Variants in FKBP15 observed in about 807,000 individuals in gnomAD.
FKBP15 encodes the protein FK506-binding protein 15.
FKBP15 carries 106 observed loss-of-function variants against 158.1 expected under a neutral mutation model. The observed-to-expected ratio is 0.67, with a 90% CI of 0.57 to 0.79. FKBP15 has a LOEUF of 0.79. Ranked by LOEUF, FKBP15 falls within the 30% of genes least tolerant of loss-of-function variation. The pLI is 0.00. For synonymous variants in FKBP15, 547 were observed against 548.6 expected (o/e 1.00, Z 0.04); for missense variants, 1,287 against 1,479.1 (o/e 0.87, Z 2.13).
At position 113,221,132 on chromosome 9, in the gene FKBP15, C is replaced by A. The variant is rs1008494641; in HGVS notation, c.53+59G>T. On this transcript the variant is annotated intron_variant, in intron 1 of 27. Transcript: ENST00000238256. ...GCCTGAGAAGAGATCGACCCCCCTC[C>A]AACAATCCGCCGGTATCTCTCAGCC... 3.9e-6 allele frequency: 6 copies of A among 1,534,048 alleles called. No homozygotes were observed. The African/African-American group carries it at 6.9e-5, about 18-fold the overall frequency.
rs1564139020 is a variant in FKBP15 at position 113,161,717 on chromosome 9, G to A, written c.*4361C>T. On this transcript the variant is annotated 3_prime_UTR_variant, in exon 28 of 28. Coordinates refer to ENST00000238256, the MANE Select transcript of FKBP15 (RefSeq NM_015258.2). Reference sequence around the variant, plus strand: ...ACCACAGGTACAGGCAGTGGGTATGGGAAAGGGGCAGAAGCCTCACATTCA... The same window carrying A: ...ACCACAGGTACAGGCAGTGGGTATGAGAAAGGGGCAGAAGCCTCACATTCA... 2 of 1,612,910 alleles carry A rather than the reference G, an allele frequency of 1.2e-6. No individual in the cohort carries two copies. Among genetic ancestry groups the A allele is most frequent in the African/African-American group, 2.7e-5 (2 of 74,916 alleles).
chr9:113,190,904 A>T (rs990708353), intron 11 of FKBP15, among the ~76,000 whole-genome samples: 4 of 152,182 alleles, frequency 2.6e-5, no homozygotes, highest in African/African-American at 7.2e-5. Context: ...TAAGAAAGGG[A>T]GGCATTTTAG....
At chr9:113,183,284 C>A (rs940307509) in intron 18 of FKBP15, among the ~76,000 whole-genome samples, 6 of 152,198 alleles carry the variant, frequency 3.9e-5, no homozygotes, top group Non-Finnish European at 8.8e-5. Flanking sequence ...ATGTGTTCCA[C>A]TCATCCTCCC....
At chr9:113,167,250 C>T (rs73655812) in intron 27 of FKBP15, among the ~76,000 whole-genome samples, 2,702 of 152,240 alleles carry the variant, frequency 0.018, 87 homozygotes, top group African/African-American at 0.062. Flanking sequence ...AAAGTACCTA[C>T]CTCATTGGAT....
At chr9:113,199,702 T>A in intron 7 of FKBP15, 112 bp downstream of exon 7, 1 of 1,193,076 alleles carries the variant, frequency 8.4e-7, no homozygotes, top group Non-Finnish European at 1.2e-6. Context: ...GTGGGGATCC[T>A]AAAATATTTC....
rs748766589 is a variant in FKBP15, at chr9:113,178,747, G to A, written c.1969C>T (p.Leu657=). 4 of 1,609,278 alleles carry A rather than the reference G, an allele frequency of 2.5e-6. No individual in the cohort carries two copies. The highest frequency in any genetic ancestry group is 3.4e-6 in the Non-Finnish European group (4 of 1,177,814). The part of the protein sequence containing the change: ...AATAQVSHLQ[L]KMTAHQKKET... Reference sequence around the variant, plus strand: ...TTTTTTTGGTGAGCAGTCATTTTCAGCTGCAGATGAGAGACCTGTGCAGTG... The same window carrying A: ...TTTTTTTGGTGAGCAGTCATTTTCAACTGCAGATGAGAGACCTGTGCAGTG... Residue 657 remains leucine (L), a synonymous_variant, in exon 20 of 28, where the codon CTG becomes TTG. Coordinates refer to ENST00000238256, the MANE Select transcript of FKBP15 (RefSeq NM_015258.2).
chr9:113,184,354 G>A lies in FKBP15; in HGVS notation c.1654C>T (p.Pro552Ser). 6.2e-7 allele frequency: 1 copy of A among 1,607,386 alleles called. No individual in the cohort carries two copies. Among genetic ancestry groups the A allele is most frequent in the Non-Finnish European group, 8.5e-7 (1 of 1,176,608 alleles). Residue 552 changes from proline (P) to serine (S), a missense_variant, in exon 17 of 28, where the codon CCT becomes TCT. Transcript: ENST00000238256. The surrounding 1 kb of genome is among the most constrained non-coding windows in gnomAD (Gnocchi z 4.5). Reference sequence around the variant, plus strand: ...GTTTCCATTGTAACTGACATGCTAGGAATAAGCATGGAATTGCCAGCACTA... The same window carrying A: ...GTTTCCATTGTAACTGACATGCTAGAAATAAGCATGGAATTGCCAGCACTA... ...KHSAGNSMLI[P>S]SMSVTMETSM...
Position 113,168,511 on chromosome 9 carries a change from C to T in FKBP15, c.3531G>A (p.Leu1177=). ...GCTGTGCTTTGGGCCTCAGAGCTTTCAGAGTTGCCCCTTTAAACAGTTCAT... is the reference window on the plus strand; with the variant it reads ...GCTGTGCTTTGGGCCTCAGAGCTTTTAGAGTTGCCCCTTTAAACAGTTCAT... ...EEDELFKGAT[L]KALRPKAQPE... The change falls in exon 27 of 28, where the codon CTG becomes CTA. Residue 1177 remains leucine, a synonymous_variant. Transcript: ENST00000238256. 6.2e-7 allele frequency: 1 copy of T among 1,614,004 alleles called. No individual in the cohort carries two copies. Among genetic ancestry groups the T allele is most frequent in the Non-Finnish European group, 8.5e-7 (1 of 1,179,864 alleles).
chr9:113,179,158 T>A (rs1430631113), intron 19 of FKBP15, among the ~76,000 whole-genome samples: 2 of 151,724 alleles, frequency 1.3e-5, no homozygotes, highest in Admixed American at 1.3e-4. Flanking sequence ...GCCTCTGGAG[T>A]AGCTGGGACC....
intron 15 of FKBP15, among the ~76,000 whole-genome samples, chr9:113,185,570 TA>T (rs1281572080): frequency 6.6e-6 from 1 of 152,226 alleles, no homozygotes; most frequent in African/African-American, 2.4e-5. Flanking sequence ...AGAAGACTAA[TA>T]GCAGAACAAG....
intron 4 of FKBP15, among the ~76,000 whole-genome samples, chr9:113,203,516 T>C (rs1359369873): frequency 6.7e-6 from 1 of 149,640 alleles, no homozygotes; most frequent in Non-Finnish European, 1.5e-5. Flanking sequence ...CTTCTGTCGC[T>C]GATTAATTTT....
At chr9:113,213,582 C>G (rs1252928064) in intron 1 of FKBP15, among the ~76,000 whole-genome samples, 1 of 140,436 alleles carries the variant, frequency 7.1e-6, no homozygotes, top group Non-Finnish European at 1.6e-5. Context: ...TCCCCCGAAC[C>G]AAAAAAAAAA....
chr9:113,173,598 A>T lies in FKBP15; in HGVS notation c.2387T>A (p.Leu796Ter). ...CTGGGTCTGTAGCTCAGCCTGTACT[A>T]AAGACAGCTGCCAAGAGAAAGTAAT... ...TDQAAAEQLSLVQAELQTQWE... is the reference protein window; with the variant it reads ...TDQAAAEQLS The change falls in exon 23 of 28, where the codon TTA becomes TAA. Residue 796 changes from leucine (L) to a stop codon, truncating the protein, a stop_gained. Coordinates refer to ENST00000238256, the MANE Select transcript of FKBP15 (RefSeq NM_015258.2). LOFTEE classifies it high-confidence loss of function. 1 of 1,613,594 alleles carries T rather than the reference A, an allele frequency of 6.2e-7. No homozygotes were observed. Among genetic ancestry groups the T allele is most frequent in the Non-Finnish European group, 8.5e-7 (1 of 1,179,676 alleles).
chr9:113,192,439 C>T (rs1297013766), intron 11 of FKBP15, among the ~76,000 whole-genome samples: 3 of 152,188 alleles, frequency 2.0e-5, no homozygotes, highest in Non-Finnish European at 4.4e-5. Flanking sequence ...AACTCAGAAG[C>T]CTTCACAGAC....
At position 113,164,454 on chromosome 9, in the gene FKBP15, A is replaced by T. The variant is rs1470344235; in HGVS notation, c.*1624T>A. 1 of 152,254 alleles carries T rather than the reference A, an allele frequency of 6.6e-6. No individual in the cohort carries two copies. Among genetic ancestry groups the T allele is most frequent in the Non-Finnish European group, 1.5e-5 (1 of 68,034 alleles). 9.4% of individuals were successfully genotyped at this position (152,254 alleles called of 1,614,324 possible). A position where few individuals can be genotyped will look rare whatever the true frequency, so the allele number is the denominator to read the frequency against. On this transcript the variant is annotated 3_prime_UTR_variant, in exon 28 of 28. Coordinates refer to ENST00000238256, the MANE Select transcript of FKBP15 (RefSeq NM_015258.2). ...TTTAAGCACCTGTGTTGGCACAATT[A>T]CTCAGCATCTTCTCTCCCTGCGGGC...
intron 1 of FKBP15, among the ~76,000 whole-genome samples, chr9:113,217,035 C>T (rs1831149521): frequency 6.6e-6 from 1 of 151,302 alleles, no homozygotes; most frequent in South Asian, 2.1e-4. Flanking sequence ...TCCTGAGCAC[C>T]CGAGATTACA....
chr9:113,209,045 G>C (rs554332176), intron 2 of FKBP15, among the ~76,000 whole-genome samples: 1 of 151,358 alleles, frequency 6.6e-6, no homozygotes, highest in East Asian at 1.9e-4. Context: ...TGAACAGAGA[G>C]GGACTTCTGT....
chr9:113,196,817 A>T, intron 9 of FKBP15, 115 bp downstream of exon 9: 1 of 1,314,790 alleles, frequency 7.6e-7, no homozygotes, highest in Non-Finnish European at 1.0e-6. Flanking sequence ...TTTCAAAGAA[A>T]TCTATGCCTT....
chr9:113,196,965 G>A lies in FKBP15; in HGVS notation c.831C>T (p.Asp277=), dbSNP rs999013965. ...EGVIGWTQAT[D]SILVFEVEVR... ...CCTCCACCTCGAACACCAGGATCGA[G>A]TCCGTTGCTTGAGTCCAGCCTATTA... The change falls in exon 9 of 28, where the codon GAC becomes GAT. Residue 277 remains aspartate, a synonymous_variant. Coordinates refer to ENST00000238256, the MANE Select transcript of FKBP15 (RefSeq NM_015258.2). 1 of 1,613,972 alleles carries A rather than the reference G, an allele frequency of 6.2e-7. No individual in the cohort carries two copies. Among genetic ancestry groups the A allele is most frequent in the Non-Finnish European group, 8.5e-7 (1 of 1,179,880 alleles).
Sources: gnomAD v4.1 joint callset for allele counts (sites outside exome capture counted in the v4.1 genomes callset) on GRCh38, gnomAD v4.1.1 for gene constraint, Gnocchi (gnomAD v3.1) non-coding constraint, MANE v1.5 for transcripts, NCBI Gene and HGNC (gene_info 2026-07-23, HGNC 2026-07-21) for gene names.